The following ADAM12 variants were observed in gnomAD, a reference collection of about 807,000 sequenced individuals.
ADAM12 encodes the protein ADAM metallopeptidase domain 12, also known as disintegrin and metalloproteinase domain-containing protein 12.
A neutral mutation model predicts 106.4 loss-of-function variants in ADAM12; 70 were observed. The observed-to-expected ratio is 0.66, with a 90% CI of 0.54 to 0.80. The LOEUF (loss-of-function observed/expected upper bound fraction) is 0.80. Ranked by LOEUF, ADAM12 falls within the 30% of genes least tolerant of loss-of-function variation. ADAM12 has a pLI of 0.00. For synonymous variants in ADAM12, 420 were observed against 433.5 expected (o/e 0.97, Z 0.39); for missense variants, 1,010 against 1,171.9 (o/e 0.86, Z 2.02).
chr10:126,185,387 T>C (rs1261137960), intron 3 of ADAM12, among the ~76,000 whole-genome samples: 2 of 152,202 alleles, frequency 1.3e-5, no homozygotes, highest in African/African-American at 4.8e-5. Flanking sequence ...CTGATCATCT[T>C]AGAGGGGCAA....
intron 3 of ADAM12, among the ~76,000 whole-genome samples, chr10:126,240,996 G>A (rs1200627824): frequency 6.6e-6 from 1 of 152,216 alleles, no homozygotes; most frequent in African/African-American, 2.4e-5. Context: ...CAGATGAATG[G>A]GGCATGTCCA....
intron 11 of ADAM12, among the ~76,000 whole-genome samples, chr10:126,085,931 G>T (rs1276638067): frequency 6.6e-6 from 1 of 152,214 alleles, no homozygotes; most frequent in African/African-American, 2.4e-5. Flanking sequence ...CTGTTGTAGA[G>T]AAGTCTAGAA....
At chr10:126,175,305 T>C (rs1322801774) in intron 3 of ADAM12, among the ~76,000 whole-genome samples, 3 of 152,190 alleles carry the variant, frequency 2.0e-5, no homozygotes, top group Admixed American at 6.5e-5. Flanking sequence ...TGCCAGGAGT[T>C]GCAACTCACC....
chr10:126,216,441 G>C (rs953890065), intron 3 of ADAM12, among the ~76,000 whole-genome samples: 8 of 152,194 alleles, frequency 5.3e-5, no homozygotes, highest in African/African-American at 1.7e-4. Flanking sequence ...AACTGTTACA[G>C]AGCTCGAAAG....
intron 5 of ADAM12, among the ~76,000 whole-genome samples, chr10:126,126,967 A>G (rs896980340): frequency 1.3e-5 from 2 of 152,070 alleles, no homozygotes; most frequent in Non-Finnish European, 2.9e-5. Context: ...GGGCCTGGGG[A>G]GAGCTGAGAG....
At chr10:126,144,844 C>T (rs942899971) in intron 4 of ADAM12, among the ~76,000 whole-genome samples, 9 of 152,168 alleles carry the variant, frequency 5.9e-5, no homozygotes, top group African/African-American at 2.2e-4. Context: ...CCCCAAAGCC[C>T]CGACTGAGTG....
At chr10:126,317,813 C>T (rs1482098469) in intron 2 of ADAM12, among the ~76,000 whole-genome samples, 4 of 152,084 alleles carry the variant, frequency 2.6e-5, no homozygotes, top group African/African-American at 9.7e-5. Flanking sequence ...TACTGGAGTG[C>T]AGTGGTGCAA....
intron 1 of ADAM12, among the ~76,000 whole-genome samples, chr10:126,363,811 G>T (rs192203927): frequency 6.6e-6 from 1 of 152,268 alleles, no homozygotes; most frequent in Admixed American, 6.5e-5. Context: ...ACACATGAGC[G>T]AAAGATGGGT....
At chr10:126,297,190 G>C (rs891530629) in intron 2 of ADAM12, among the ~76,000 whole-genome samples, 4 of 152,260 alleles carry the variant, frequency 2.6e-5, no homozygotes, top group Non-Finnish European at 4.4e-5. Context: ...GATATAAGCA[G>C]AAAGACATTC....
At chr10:126,215,239 C>A (rs539052941) in intron 3 of ADAM12, among the ~76,000 whole-genome samples, 1 of 152,194 alleles carries the variant, frequency 6.6e-6, no homozygotes, top group African/African-American at 2.4e-5. Context: ...CCCTTTCTGG[C>A]ATGCAGGGAT....
intron 14 of ADAM12, among the ~76,000 whole-genome samples, chr10:126,063,822 A>G (rs759097437): frequency 7.2e-5 from 11 of 152,164 alleles, no homozygotes; most frequent in South Asian, 2.1e-4. Context: ...GGGCTGCCCA[A>G]TGAGGCCTTG....
At chr10:126,127,119 T>A (rs1956219175) in intron 5 of ADAM12, among the ~76,000 whole-genome samples, 1 of 152,122 alleles carries the variant, frequency 6.6e-6, no homozygotes, top group African/African-American at 2.4e-5. Flanking sequence ...ACAGCTGAGG[T>A]GGGCCCCCAG....
chr10:126,213,037 C>A (rs892592048), intron 3 of ADAM12, among the ~76,000 whole-genome samples: 3 of 152,094 alleles, frequency 2.0e-5, no homozygotes, highest in Non-Finnish European at 4.4e-5. Flanking sequence ...CCCTTCGAAG[C>A]CTTCCAAGAG....
rs764307651 is a variant in ADAM12 at position 126,135,638 on chromosome 10, T to C, written c.362A>G (p.His121Arg). The change falls in exon 5 of 23, where the codon CAT becomes CGT. Residue 121 changes from histidine to arginine, a missense_variant. Around this residue, in one of 3 missense-constraint regions of ADAM12, gnomAD observed 391 missense variants for 442.9 expected, o/e 0.88. Coordinates refer to ENST00000448723, the MANE Select transcript of ADAM12 (RefSeq NM_001288973.2). ...NYTGHCYYHG[H>R]VRGYSDSAVS... ...TGCTGAATCAGAATATCCCCGTACA[T>C]GTCCATGGTAGTAACAGTGACCCTA... 5 of 1,614,068 alleles carry C rather than the reference T, an allele frequency of 3.1e-6. No homozygotes were observed. Among genetic ancestry groups the C allele is most frequent in the Admixed American group, 1.7e-5 (1 of 60,010 alleles).
chr10:126,258,543 G>A (rs1038709643), intron 3 of ADAM12, among the ~76,000 whole-genome samples: 3 of 152,212 alleles, frequency 2.0e-5, no homozygotes, highest in African/African-American at 7.2e-5. Context: ...CCAACCTTCA[G>A]TGGCTTCCCC....
rs71029289 is a variant in ADAM12, at chr10:126,131,104, C to CTTTT, written c.416+4476_416+4479dup. Among the ~76,000 whole-genome samples the CTTTT allele has an allele frequency of 2.3e-3, 228 of 100,868 alleles. 8 individuals are homozygous for CTTTT. Among genetic ancestry groups the CTTTT allele is most frequent in the African/African-American group, 6.9e-3 (181 of 26,386 alleles). 66.2% of individuals were successfully genotyped at this position (100,868 alleles called of 152,430 possible). A position where few individuals can be genotyped will look rare whatever the true frequency, so the allele number is the denominator to read the frequency against. On this transcript the variant is annotated intron_variant, in intron 5 of 22. Coordinates refer to ENST00000448723, the MANE Select transcript of ADAM12 (RefSeq NM_001288973.2). ...AGTGTCCCTGGCTCTCAGCTGTCTTCTTTTTTTTTTTTTTTTTTTTTTTTT... is the reference window on the plus strand; with the variant it reads ...AGTGTCCCTGGCTCTCAGCTGTCTTCTTTTTTTTTTTTTTTTTTTTTTTTTTTTT...
chr10:126,088,331 G>T (rs1278367), intron 11 of ADAM12, among the ~76,000 whole-genome samples: 115,002 of 151,930 alleles, frequency 0.76, 44,794 homozygotes, highest in African/African-American at 0.94. Context: ...GGCCAGCTGC[G>T]CGTCTGTTGA....
chr10:126,354,335 TG>T (rs1855465732), intron 1 of ADAM12, among the ~76,000 whole-genome samples: 1 of 152,206 alleles, frequency 6.6e-6, no homozygotes, highest in Non-Finnish European at 1.5e-5. Context: ...TTAACGCAAT[TG>T]GCTCCAGCCC....
At chr10:126,138,888 G>A (rs1328823079) in intron 4 of ADAM12, among the ~76,000 whole-genome samples, 4 of 148,042 alleles carry the variant, frequency 2.7e-5, no homozygotes, top group African/African-American at 7.5e-5. Context: ...ATTAATTTTT[G>A]TATGTAGCTT....
Sources: gnomAD v4.1 joint callset for allele counts (sites outside exome capture counted in the v4.1 genomes callset) on GRCh38, gnomAD v4.1.1 for gene constraint, gnomAD v4.1.1 regional missense constraint, MANE v1.5 for transcripts, NCBI Gene and HGNC (gene_info 2026-07-23, HGNC 2026-07-21) for gene names.